Variants in DHX57 observed in about 807,000 individuals in gnomAD.
DHX57 encodes DExH-box helicase 57, also known as putative ATP-dependent RNA helicase DHX57.
DHX57 carries 105 observed loss-of-function variants against 156.2 expected under a neutral mutation model. That is an observed-to-expected ratio of 0.67 (90% CI 0.57 to 0.79). The LOEUF (loss-of-function observed/expected upper bound fraction) is 0.79, where lower values mean the gene tolerates loss of function less well. Ranked by LOEUF, DHX57 falls within the 30% of genes least tolerant of loss-of-function variation. DHX57 has a pLI of 0.00. For missense variants in DHX57, 1,847 were observed against 1,661.9 expected, an observed-to-expected ratio of 1.11 and a Z score of -1.94; for synonymous variants, 704 against 595.6, an observed-to-expected ratio of 1.18 and a Z score of -2.65.
At chr2:38,799,539 G>C (rs1382490050) in intron 23 of DHX57, among the ~76,000 whole-genome samples, 1 of 145,304 alleles carries the variant, frequency 6.9e-6, no homozygotes, top group African/African-American at 2.6e-5. Flanking sequence ...ATCACCTGAG[G>C]TGGAAGTTCG....
At chr2:38,867,694 G>T (rs1487693616) in intron 2 of DHX57, among the ~76,000 whole-genome samples, 1 of 152,102 alleles carries the variant, frequency 6.6e-6, no homozygotes. Flanking sequence ...TAGTACCTGG[G>T]ATTACAGGTG....
At chr2:38,811,467 T>G in intron 21 of DHX57, 1 of 658,160 alleles carries the variant, frequency 1.5e-6, no homozygotes, top group Non-Finnish European at 2.8e-6. Flanking sequence ...CTTGCTGACG[T>G]CCTCAATGAA....
chr2:38,811,601 G>A, intron 21 of DHX57: 2 of 1,374,222 alleles, frequency 1.5e-6, no homozygotes, highest in Non-Finnish European at 2.0e-6. Flanking sequence ...CGAGGATGCA[G>A]GAGGTGTCCA....
chr2:38,860,927 A>G, intron 5 of DHX57, 72 bp downstream of exon 5: 1 of 1,381,556 alleles, frequency 7.2e-7, no homozygotes, highest in Non-Finnish European at 1.0e-6. Context: ...ATCCTAGACC[A>G]GCCTTAAAGG....
At chr2:38,849,366 C>G (rs900318730) in intron 9 of DHX57, among the ~76,000 whole-genome samples, 8 of 152,152 alleles carry the variant, frequency 5.3e-5, no homozygotes, top group Non-Finnish European at 1.2e-4. Flanking sequence ...GCCCTTGCCC[C>G]CTTGCAATCT....
intron 14 of DHX57, among the ~76,000 whole-genome samples, chr2:38,827,540 A>C (rs1362362363): frequency 3.7e-5 from 5 of 134,678 alleles, no homozygotes; most frequent in Non-Finnish European, 7.9e-5. Flanking sequence ...ATATACACAC[A>C]TACATATATA....
chr2:38,848,131 T>C, intron 10 of DHX57, 138 bp downstream of exon 10: 1 of 960,548 alleles, frequency 1.0e-6, no homozygotes, highest in Non-Finnish European at 1.5e-6. Flanking sequence ...ATCAGCTGCA[T>C]TATATGGTTT....
Position 38,854,041 on chromosome 2 carries a change from G to C in DHX57, c.2030+13C>G. 1 of 1,597,864 alleles carries C rather than the reference G, an allele frequency of 6.3e-7. No homozygotes were observed. The highest frequency in any genetic ancestry group is 8.5e-7 in the Non-Finnish European group (1 of 1,171,366). The stretch of plus-strand genomic sequence containing the variant: ...AGGTGAGTGTGTGTTCCCTGGGAAA[G>C]TCTTTGTTTTACCTTTCTTCTGTCC... On this transcript the variant is annotated intron_variant, in intron 9 of 23. Transcript: ENST00000457308.
chr2:38,872,150 A>G (rs1198499107), intron 1 of DHX57, among the ~76,000 whole-genome samples: 2 of 152,232 alleles, frequency 1.3e-5, no homozygotes, highest in African/African-American at 4.8e-5. Context: ...AATGTCTAAT[A>G]CATGAACTTT....
intron 1 of DHX57, among the ~76,000 whole-genome samples, chr2:38,875,254 T>C (rs1009686961): frequency 4.6e-5 from 7 of 152,222 alleles, no homozygotes; most frequent in Non-Finnish European, 8.8e-5. Flanking sequence ...TTCTTCACCA[T>C]GGATACAGGG....
chr2:38,827,533 T>TATATATACAC (rs1222862055), intron 14 of DHX57, among the ~76,000 whole-genome samples: 2 of 48,260 alleles, frequency 4.1e-5, no homozygotes, highest in African/African-American at 1.3e-4. Context: ...TATATATATA[T>TATATATACAC]ACACACATAC....
chr2:38,821,022 C>T (rs1293043072), intron 17 of DHX57, among the ~76,000 whole-genome samples: 1 of 151,520 alleles, frequency 6.6e-6, no homozygotes, highest in East Asian at 1.9e-4. Context: ...TGAAATAATA[C>T]AAATATGTTC....
intron 13 of DHX57, 96 bp from the exon 14 acceptor site, chr2:38,828,532 A>C (rs1014455135): frequency 2.5e-5 from 19 of 754,026 alleles, no homozygotes; most frequent in Non-Finnish European, 3.2e-5. Flanking sequence ...AATGAAGTAA[A>C]TGAAAAACTA....
chr2:38,838,072 T>A, intron 12 of DHX57, 125 bp from the exon 13 acceptor site: 1 of 671,574 alleles, frequency 1.5e-6, no homozygotes, highest in Non-Finnish European at 2.6e-6. Context: ...GCACAGATAT[T>A]AACATTTAAT....
At chr2:38,825,801 AACATTTAG>A (rs1373161979) in intron 16 of DHX57, 38 bp downstream of exon 16, 1 of 1,591,542 alleles carries the variant, frequency 6.3e-7, no homozygotes, top group East Asian at 2.2e-5. Context: ...TAGAGTGAGA[AACATTTAG>A]ACCTTTTGGA....
Position 38,813,882 on chromosome 2 carries a change from G to A in DHX57, c.3620C>T (p.Ala1207Val), listed in dbSNP as rs1670396407. ...TGCTGATATCAGCTTGGGGTTCTCA[G>A]CATTTGAGTTTGCCTATGAGAAAAG... ...DATGEEANSN[A>V]ENPKLISAML... The change falls in exon 21 of 24, where the codon GCT (alanine) becomes GTT (valine). Residue 1207 changes from alanine to valine, a missense_variant. Transcript: ENST00000457308. 6.2e-6 allele frequency: 10 copies of A among 1,613,204 alleles called. No homozygotes were observed. Among genetic ancestry groups the A allele is most frequent in the Non-Finnish European group, 6.8e-6 (8 of 1,179,402 alleles).
intron 7 of DHX57, among the ~76,000 whole-genome samples, chr2:38,856,067 T>C (rs1456603776): frequency 4.6e-5 from 7 of 152,134 alleles, no homozygotes; most frequent in Non-Finnish European, 1.0e-4. Context: ...GCCGAGATCA[T>C]GCCACTGCAC....
intron 13 of DHX57, among the ~76,000 whole-genome samples, chr2:38,829,203 A>G (rs1572651948): frequency 6.6e-6 from 1 of 152,108 alleles, no homozygotes; most frequent in African/African-American, 2.4e-5. Flanking sequence ...TCAGCCTACC[A>G]AAATGCTGGG....
chr2:38,863,782 G>C (rs1360937014), intron 2 of DHX57, among the ~76,000 whole-genome samples: 1 of 152,152 alleles, frequency 6.6e-6, no homozygotes, highest in East Asian at 1.9e-4. Flanking sequence ...GGAGGCCGAG[G>C]CTGGCGGATC....
Sources: allele counts gnomAD v4.1 joint callset (sites outside exome capture counted in the v4.1 genomes callset), GRCh38; gene constraint gnomAD v4.1.1; transcripts MANE v1.5; gene names NCBI Gene and HGNC (gene_info 2026-07-23, HGNC 2026-07-21).